The following CTDSPL variants were observed in gnomAD, a reference collection of about 807,000 sequenced individuals.
CTDSPL encodes CTD small phosphatase like.
CTDSPL carries 8 observed loss-of-function variants against 30.5 expected under a neutral mutation model. That is an observed-to-expected ratio of 0.26 (90% CI 0.15 to 0.47). The LOEUF (loss-of-function observed/expected upper bound fraction) is 0.47. CTDSPL is among the 20% of genes least tolerant of loss of function. The pLI is 0.99. For missense variants in CTDSPL, 248 were observed against 366.1 expected, an observed-to-expected ratio of 0.68 and a Z score of 2.63; for synonymous variants, 110 against 137.9, an observed-to-expected ratio of 0.80 and a Z score of 1.42.
intron 7 of CTDSPL, among the ~76,000 whole-genome samples, chr3:37,977,033 CA>C (rs1257878903): frequency 6.6e-6 from 1 of 151,724 alleles, no homozygotes; most frequent in African/African-American, 2.4e-5. Context: ...CGCTTATAAC[CA>C]AAAAAAATTC....
At chr3:37,877,352 CA>C (rs1426480310) in intron 1 of CTDSPL, among the ~76,000 whole-genome samples, 6 of 152,180 alleles carry the variant, frequency 3.9e-5, no homozygotes, top group Non-Finnish European at 8.8e-5. Flanking sequence ...TGGAATCATA[CA>C]GTATTTTTTT....
Position 37,981,725 on chromosome 3 carries a change from T to A in CTDSPL, c.*858T>A. On this transcript the variant is annotated 3_prime_UTR_variant, in exon 8 of 8. Transcript: ENST00000273179. ...CACTACTGCCATACATTTGTGTTTT[T>A]TGTTGTTATTGTTTGGGTAGAGCAG... 2.4e-6 allele frequency: 1 copy of A among 418,060 alleles called. No individual in the cohort carries two copies. Among genetic ancestry groups the A allele is most frequent in the South Asian group, 1.7e-5 (1 of 59,378 alleles). The allele number at this position is 418,060 out of a possible 1,614,324, so 25.9% of individuals were successfully genotyped here.
Position 37,983,987 on chromosome 3 carries a change from A to T in CTDSPL, c.*3120A>T, listed in dbSNP as rs1390002897. On this transcript the variant is annotated 3_prime_UTR_variant, in exon 8 of 8. Transcript: ENST00000273179. The stretch of plus-strand genomic sequence containing the variant: ...TAAAAAAAAAAACCTGTAAGTCTGT[A>T]ACCTGGCAACATTTTACAACCCTGT... The T allele has an allele frequency of 4.1e-6, 1 of 242,476 alleles. No homozygotes were observed. Among genetic ancestry groups the T allele is most frequent in the African/African-American group, 2.2e-5 (1 of 45,242 alleles). The allele number at this position is 242,476 out of a possible 1,614,324, so 15.0% of individuals were successfully genotyped here. A position where few individuals can be genotyped will look rare whatever the true frequency, so the allele number is the denominator to read the frequency against.
intron 1 of CTDSPL, among the ~76,000 whole-genome samples, chr3:37,924,990 T>C (rs1698764280): frequency 1.3e-5 from 2 of 152,146 alleles, no homozygotes; most frequent in African/African-American, 4.8e-5. Flanking sequence ...GCTTTCAGGC[T>C]AGAGGCCCTT....
chr3:37,882,268 C>T (rs1400022519), intron 1 of CTDSPL, among the ~76,000 whole-genome samples: 1 of 151,970 alleles, frequency 6.6e-6, no homozygotes, highest in East Asian at 1.9e-4. Context: ...TGGTAAAACC[C>T]CGTCTCTACT....
chr3:37,882,609 T>C (rs1698219473), intron 1 of CTDSPL, among the ~76,000 whole-genome samples: 1 of 151,978 alleles, frequency 6.6e-6, no homozygotes, highest in South Asian at 2.1e-4. Flanking sequence ...AGAGGAAGAC[T>C]CCGTCTCAAA....
intron 1 of CTDSPL, among the ~76,000 whole-genome samples, chr3:37,907,395 A>G (rs62239977): frequency 0.058 from 8,823 of 152,316 alleles, 284 homozygotes; most frequent in African/African-American, 0.083. Context: ...TGAAAAATAC[A>G]TTCTTGAAAA....
At chr3:37,963,989 G>A (rs1699270330) in intron 3 of CTDSPL, among the ~76,000 whole-genome samples, 1 of 138,174 alleles carries the variant, frequency 7.2e-6, no homozygotes, top group African/African-American at 2.8e-5. Flanking sequence ...TTATGCTGGT[G>A]GGCCTATAGT....
intron 1 of CTDSPL, among the ~76,000 whole-genome samples, chr3:37,930,151 C>A (rs1698835726): frequency 6.6e-6 from 1 of 151,290 alleles, no homozygotes; most frequent in Admixed American, 6.6e-5. Context: ...TGGTGTTTAC[C>A]TTCCATGTAT....
At chr3:37,867,242 C>G (rs578205414) in intron 1 of CTDSPL, among the ~76,000 whole-genome samples, 2 of 152,218 alleles carry the variant, frequency 1.3e-5, no homozygotes, top group African/African-American at 4.8e-5. Flanking sequence ...CTTTTTTTCA[C>G]TCAACATAAT....
At chr3:37,879,154 GGT>G (rs1418088574) in intron 1 of CTDSPL, among the ~76,000 whole-genome samples, 1 of 152,154 alleles carries the variant, frequency 6.6e-6, no homozygotes, top group East Asian at 1.9e-4. Flanking sequence ...AAATAAATCA[GGT>G]GAAACTTTCC....
intron 1 of CTDSPL, among the ~76,000 whole-genome samples, chr3:37,915,801 T>G (rs1307126724): frequency 6.6e-6 from 1 of 152,214 alleles, no homozygotes; most frequent in Non-Finnish European, 1.5e-5. Flanking sequence ...AATACATTCA[T>G]CTTGTCTTAT....
intron 1 of CTDSPL, among the ~76,000 whole-genome samples, chr3:37,883,453 A>T (rs1698230554): frequency 6.6e-6 from 1 of 152,350 alleles, no homozygotes; most frequent in South Asian, 2.1e-4. Flanking sequence ...ACCTCTAACT[A>T]AAACATGGCA....
At chr3:37,929,120 C>A (rs1208778254) in intron 1 of CTDSPL, among the ~76,000 whole-genome samples, 1 of 152,170 alleles carries the variant, frequency 6.6e-6, no homozygotes, top group Admixed American at 6.5e-5. Flanking sequence ...ACTCTCTATT[C>A]TGTTCCATTG....
At chr3:37,926,827 C>G (rs1698786802) in intron 1 of CTDSPL, among the ~76,000 whole-genome samples, 1 of 152,162 alleles carries the variant, frequency 6.6e-6, no homozygotes, top group Non-Finnish European at 1.5e-5. Context: ...TGAACAAGCT[C>G]CTCCACTTGG....
chr3:37,932,545 G>C (rs1200854074), intron 1 of CTDSPL, among the ~76,000 whole-genome samples: 1 of 152,186 alleles, frequency 6.6e-6, no homozygotes, highest in Non-Finnish European at 1.5e-5. Flanking sequence ...AGAAGAAATA[G>C]AAATGACCAA....
intron 1 of CTDSPL, among the ~76,000 whole-genome samples, chr3:37,871,360 A>G (rs1007602858): frequency 1.3e-5 from 2 of 152,202 alleles, no homozygotes; most frequent in Non-Finnish European, 2.9e-5. Flanking sequence ...TCACCTACTG[A>G]AGGGCATGTT....
chr3:37,892,098 A>T (rs1401385622), intron 1 of CTDSPL, among the ~76,000 whole-genome samples: 5 of 152,170 alleles, frequency 3.3e-5, no homozygotes, highest in Admixed American at 6.5e-5. Context: ...TCATCTATGC[A>T]TCTCCCTACT....
rs187738412 is a variant in CTDSPL at position 37,881,717 on chromosome 3, C to A, written c.79+19439C>A. Among the ~76,000 whole-genome samples the A allele has an allele frequency of 2.5e-3, 372 of 151,296 alleles. 2 individuals carry two copies. The highest frequency in any genetic ancestry group is 8.6e-3 in the African/African-American group (355 of 41,130). Reference sequence around the variant, plus strand: ...GTACCATACATATAAAGTGTGAAAACGTGCAAAAAATAGTTTCTATATAGT... The same window carrying A: ...GTACCATACATATAAAGTGTGAAAAAGTGCAAAAAATAGTTTCTATATAGT... On this transcript the variant is annotated intron_variant, in intron 1 of 7. Coordinates refer to ENST00000273179, the MANE Select transcript of CTDSPL (RefSeq NM_001008392.2).
Sources: gnomAD v4.1 joint callset for allele counts (sites outside exome capture counted in the v4.1 genomes callset) on GRCh38, gnomAD v4.1.1 for gene constraint, MANE v1.5 for transcripts, NCBI Gene and HGNC (gene_info 2026-07-23, HGNC 2026-07-21) for gene names.